EEPD1: variants seen among roughly 807,000 people sequenced by gnomAD.
EEPD1 encodes endonuclease/exonuclease/phosphatase family domain containing 1, also known as endonuclease/exonuclease/phosphatase family domain-containing protein 1.
In EEPD1, 17 loss-of-function variants were observed where a neutral mutation model predicts 46.3. That is an observed-to-expected ratio of 0.37 (90% CI 0.25 to 0.55). EEPD1 has a LOEUF of 0.55. Ranked by LOEUF, EEPD1 falls within the 20% of genes least tolerant of loss-of-function variation. The probability of loss-of-function intolerance (pLI) is 0.83; values close to 1 mark genes in which losing one functional copy is unlikely to be tolerated. For synonymous variants in EEPD1, 313 were observed against 315.6 expected (o/e 0.99, Z 0.09); for missense variants, 673 against 745.6 (o/e 0.90, Z 1.13).
intron 2 of EEPD1, among the ~76,000 whole-genome samples, chr7:36,169,429 G>C (rs1785041485): frequency 1.3e-5 from 2 of 152,200 alleles, no homozygotes; most frequent in Non-Finnish European, 2.9e-5. Context: ...AGCCATGCTA[G>C]TGGGTGTGAA....
intron 3 of EEPD1, among the ~76,000 whole-genome samples, chr7:36,270,580 G>C (rs898169222): frequency 1.3e-5 from 2 of 152,130 alleles, no homozygotes; most frequent in African/African-American, 4.8e-5. Flanking sequence ...TCCTGTGTTA[G>C]TTTGCTGAGA....
chr7:36,290,682 C>T (rs1279372444), intron 6 of EEPD1, among the ~76,000 whole-genome samples: 1 of 152,132 alleles, frequency 6.6e-6, no homozygotes, highest in Non-Finnish European at 1.5e-5. Flanking sequence ...ACAGGGTCTC[C>T]CTCTGTGAAC....
At chr7:36,210,485 C>T (rs1370357382) in intron 2 of EEPD1, among the ~76,000 whole-genome samples, 1 of 152,182 alleles carries the variant, frequency 6.6e-6, no homozygotes, top group African/African-American at 2.4e-5. Context: ...ATGTCTCCTT[C>T]AGCTTGTTCC....
chr7:36,240,928 G>A (rs928197368), intron 3 of EEPD1, among the ~76,000 whole-genome samples: 1 of 152,170 alleles, frequency 6.6e-6, no homozygotes, highest in Non-Finnish European at 1.5e-5. Flanking sequence ...TAGGAATAAA[G>A]GGGCATGGTT....
At chr7:36,215,207 G>A (rs1339939804) in intron 2 of EEPD1, among the ~76,000 whole-genome samples, 1 of 152,182 alleles carries the variant, frequency 6.6e-6, no homozygotes, top group Middle Eastern at 3.2e-3. Flanking sequence ...CCCACCCGCT[G>A]CTGCCCTCCC....
At chr7:36,219,804 A>AGGGTGTGTGTGTGTGT (rs770071168) in intron 2 of EEPD1, among the ~76,000 whole-genome samples, 2 of 87,616 alleles carry the variant, frequency 2.3e-5, no homozygotes, top group Non-Finnish European at 4.6e-5. Context: ...AGAGAGAGAG[A>AGGGTGTGTGTGTGTGT]GAGTGTGTGT....
At chr7:36,172,092 G>A (rs1396500472) in intron 2 of EEPD1, among the ~76,000 whole-genome samples, 2 of 152,108 alleles carry the variant, frequency 1.3e-5, no homozygotes, top group African/African-American at 2.4e-5. Context: ...GGGACTCAGG[G>A]CTCTTCTGTC....
intron 3 of EEPD1, among the ~76,000 whole-genome samples, chr7:36,271,224 G>T (rs1454564921): frequency 6.6e-6 from 1 of 151,972 alleles, no homozygotes; most frequent in Admixed American, 6.6e-5. Flanking sequence ...CTAACCTCAT[G>T]ATCTGCCCGC....
rs573970949 is a variant in EEPD1 at position 36,218,549 on chromosome 7, A to C, written c.879-20436A>C. ...GCTGCTAAGTGTCTAAAGGATGGGA[A>C]GCATCTGCAGATGAAGACGCTGAGC... On this transcript the variant is annotated intron_variant, in intron 2 of 7. Transcript: ENST00000242108. Among the ~76,000 whole-genome samples the C allele has an allele frequency of 2.7e-3, 418 of 152,286 alleles. 1 individual carries two copies. The highest frequency in any genetic ancestry group is 0.013 in the South Asian group (63 of 4,822).
At chr7:36,280,497 C>T (rs1024920875) in intron 3 of EEPD1, among the ~76,000 whole-genome samples, 2 of 152,188 alleles carry the variant, frequency 1.3e-5, no homozygotes, top group Non-Finnish European at 2.9e-5. Flanking sequence ...CACTCCTCAT[C>T]CTACTGTGTG....
At chr7:36,243,248 T>C (rs1457761939) in intron 3 of EEPD1, among the ~76,000 whole-genome samples, 4 of 151,950 alleles carry the variant, frequency 2.6e-5, no homozygotes, top group Non-Finnish European at 5.9e-5. Flanking sequence ...ATCGCTATTA[T>C]TAACTAGTCA....
intron 2 of EEPD1, among the ~76,000 whole-genome samples, chr7:36,201,510 G>T (rs922429685): frequency 6.6e-6 from 1 of 152,124 alleles, no homozygotes; most frequent in Admixed American, 6.5e-5. Context: ...AGTGACTCGG[G>T]GCAGGTCCCA....
chr7:36,198,343 A>AAAAAAAAAAAAAAAAAG (rs1562683287), intron 2 of EEPD1, among the ~76,000 whole-genome samples: 81 of 108,148 alleles, frequency 7.5e-4, no homozygotes, highest in Non-Finnish European at 1.5e-3. Context: ...AAAAGAAAAG[A>AAAAAAAAAAAAAAAAAG]AAAAAAAAAA....
chr7:36,274,619 G>C (rs1047918854), intron 3 of EEPD1, among the ~76,000 whole-genome samples: 1 of 152,116 alleles, frequency 6.6e-6, no homozygotes, highest in Non-Finnish European at 1.5e-5. Context: ...GTAAATGTGT[G>C]CCGTGGTGAT....
intron 3 of EEPD1, among the ~76,000 whole-genome samples, chr7:36,264,290 A>G (rs1161145455): frequency 6.6e-6 from 1 of 152,182 alleles, no homozygotes; most frequent in Non-Finnish European, 1.5e-5. Flanking sequence ...GGAAGCCCGC[A>G]GTGGGGTCAG....
In EEPD1 at chr7:36,188,513, C is replaced by T. The variant is rs1461035647; in HGVS notation, c.878+33311C>T. Among the ~76,000 whole-genome samples the T allele has an allele frequency of 2.0e-5, 3 of 152,118 alleles. No homozygotes were observed. In the South Asian group the frequency reaches 6.2e-4, roughly 31 times the overall value. Reference sequence around the variant, plus strand: ...GGAGGCAGCTGGCTGGAGCCAGCGGCGCTGTGACCAACGGAGATACACAGG... The same window carrying T: ...GGAGGCAGCTGGCTGGAGCCAGCGGTGCTGTGACCAACGGAGATACACAGG... On this transcript the variant is annotated intron_variant, in intron 2 of 7. Coordinates refer to ENST00000242108, the MANE Select transcript of EEPD1 (RefSeq NM_030636.3).
At chr7:36,253,143 A>G (rs1474086374) in intron 3 of EEPD1, among the ~76,000 whole-genome samples, 1 of 151,948 alleles carries the variant, frequency 6.6e-6, no homozygotes, top group African/African-American at 2.4e-5. Flanking sequence ...AGTATGTTGT[A>G]TCTTAATTTT....
chr7:36,198,616 A>G lies in EEPD1; in HGVS notation c.879-40369A>G, dbSNP rs1785656912. Among the ~76,000 whole-genome samples the G allele has an allele frequency of 2.6e-5, 4 of 152,216 alleles. 1 individual carries two copies. The highest frequency in any genetic ancestry group is 2.6e-4 in the Admixed American group (4 of 15,276). On this transcript the variant is annotated intron_variant, in intron 2 of 7. Transcript: ENST00000242108. ...TCTTTGGGGCATCACGCATGACTCA[A>G]AGCACTTCAGTGCTGGAATGTCAAG...
At chr7:36,208,508 G>T (rs1443745624) in intron 2 of EEPD1, among the ~76,000 whole-genome samples, 1 of 152,226 alleles carries the variant, frequency 6.6e-6, no homozygotes, top group African/African-American at 2.4e-5. Context: ...GTGGAGAGTG[G>T]TTTAATACTC....
Sources: allele counts gnomAD v4.1 joint callset (sites outside exome capture counted in the v4.1 genomes callset), GRCh38; gene constraint gnomAD v4.1.1; transcripts MANE v1.5; gene names NCBI Gene and HGNC (gene_info 2026-07-23, HGNC 2026-07-21).